SESTD1: variants seen among roughly 807,000 people sequenced by gnomAD.
SESTD1 encodes SEC14 domain and spectrin repeat-containing protein 1.
A neutral mutation model predicts 101.7 loss-of-function variants in SESTD1; 43 were observed. The ratio of observed to expected loss-of-function variants is 0.42; its 90% CI spans 0.33 to 0.55. SESTD1 has a LOEUF of 0.55. Among genes scored for constraint, SESTD1 ranks in the 20% least tolerant of loss-of-function variants. The probability of loss-of-function intolerance (pLI) is 0.07; values close to 1 mark genes in which losing one functional copy is unlikely to be tolerated. For synonymous variants in SESTD1, 283 were observed against 286.8 expected, an observed-to-expected ratio of 0.99 and a Z score of 0.13; for missense variants, 647 against 815.1, an observed-to-expected ratio of 0.79 and a Z score of 2.51.
At position 179,210,730 on chromosome 2, in the gene SESTD1, C is replaced by T. The variant is rs2046640135; in HGVS notation, c.-25-18864G>A. On this transcript the variant is annotated intron_variant, in intron 1 of 17. Coordinates refer to ENST00000428443, the MANE Select transcript of SESTD1 (RefSeq NM_178123.5). ...TGATAAACCCACAGCCAACATTATACTGAACAGGGAAAACTTGAAAGCATT... is the reference window on the plus strand; with the variant it reads ...TGATAAACCCACAGCCAACATTATATTGAACAGGGAAAACTTGAAAGCATT... Among the ~76,000 whole-genome samples, 5 of 134,728 alleles carry T rather than the reference C, an allele frequency of 3.7e-5. 2 individuals are homozygous for T. The highest frequency in any genetic ancestry group is 8.0e-5 in the Non-Finnish European group (5 of 62,704). The allele number at this position is 134,728 out of a possible 152,430, so 88.4% of individuals were successfully genotyped here. A position where few individuals can be genotyped will look rare whatever the true frequency, so the allele number is the denominator to read the frequency against.
intron 16 of SESTD1, among the ~76,000 whole-genome samples, chr2:179,114,136 A>C (rs2044575264): frequency 6.6e-6 from 1 of 152,240 alleles, no homozygotes; most frequent in South Asian, 2.1e-4. Context: ...CAATCAGTAG[A>C]TAAACAAGTT....
chr2:179,147,457 G>A lies in SESTD1; in HGVS notation c.582-1000C>T, dbSNP rs138752948. On this transcript the variant is annotated intron_variant, in intron 7 of 17. Coordinates refer to ENST00000428443, the MANE Select transcript of SESTD1 (RefSeq NM_178123.5). ...ACTCACTACAACCTCCGCCTCCCAG[G>A]CTCAAGGGATTCTCCTGCCTCAGCC... 5.8e-3 allele frequency among the ~76,000 whole-genome samples: 882 copies of A among 151,936 alleles called. 15 individuals carry two copies. The highest frequency in any genetic ancestry group is 0.02 in the African/African-American group (835 of 41,430).
At chr2:179,243,944 G>GTA (rs750528520) in intron 1 of SESTD1, among the ~76,000 whole-genome samples, 8,925 of 139,076 alleles carry the variant, frequency 0.064, 367 homozygotes, top group African/African-American at 0.14. Flanking sequence ...ATATGTGTGT[G>GTA]TATATATATA....
At chr2:179,261,732 T>A (rs750954437) in intron 1 of SESTD1, among the ~76,000 whole-genome samples, 4 of 151,894 alleles carry the variant, frequency 2.6e-5, no homozygotes, top group African/African-American at 9.7e-5. Flanking sequence ...TCTAGCAATG[T>A]AGAAGGGTTA....
At chr2:179,187,159 C>T (rs2046244888) in intron 2 of SESTD1, among the ~76,000 whole-genome samples, 1 of 152,132 alleles carries the variant, frequency 6.6e-6, no homozygotes. Flanking sequence ...ACTACAAAAA[C>T]ACATTTAATT....
intron 2 of SESTD1, among the ~76,000 whole-genome samples, chr2:179,188,219 A>G (rs1389688034): frequency 6.6e-6 from 1 of 152,218 alleles, no homozygotes; most frequent in African/African-American, 2.4e-5. Flanking sequence ...ACTTGAAATC[A>G]TACCAACCAT....
chr2:179,187,518 C>T (rs1017660684), intron 2 of SESTD1, among the ~76,000 whole-genome samples: 1 of 152,142 alleles, frequency 6.6e-6, no homozygotes, highest in African/African-American at 2.4e-5. Context: ...CCTGTGGTCC[C>T]AGCTAGTCGA....
intron 5 of SESTD1, among the ~76,000 whole-genome samples, chr2:179,155,366 G>A (rs951964558): frequency 6.6e-6 from 1 of 152,008 alleles, no homozygotes; most frequent in Non-Finnish European, 1.5e-5. Context: ...ATGAAACCAA[G>A]CAATATACAT....
chr2:179,155,194 G>C (rs2045605291), intron 5 of SESTD1, among the ~76,000 whole-genome samples: 1 of 152,038 alleles, frequency 6.6e-6, no homozygotes, highest in Non-Finnish European at 1.5e-5. Context: ...AGGATTACAG[G>C]TGTGAGCCAT....
Position 179,101,732 on chromosome 2 carries a change from G to T in SESTD1, c.*8167C>A, listed in dbSNP as rs2044280326. 1 of 152,140 alleles carries T rather than the reference G, an allele frequency of 6.6e-6. No homozygotes were observed. The highest frequency in any genetic ancestry group is 6.6e-5 in the Admixed American group (1 of 15,260). 9.4% of individuals were successfully genotyped at this position (152,140 alleles called of 1,614,324 possible). Reference sequence around the variant, plus strand: ...AATTTTATTTTGAACAAACACAATGGTAAGATCACTTCAATGGTTTGAAAC... The same window carrying T: ...AATTTTATTTTGAACAAACACAATGTTAAGATCACTTCAATGGTTTGAAAC... On this transcript the variant is annotated 3_prime_UTR_variant, in exon 18 of 18. Coordinates refer to ENST00000428443, the MANE Select transcript of SESTD1 (RefSeq NM_178123.5).
Position 179,231,769 on chromosome 2 carries a change from C to T in SESTD1, c.-26+32730G>A, listed in dbSNP as rs377167420. Among the ~76,000 whole-genome samples, 3 of 146,932 alleles carry T rather than the reference C, an allele frequency of 2.0e-5. No homozygotes were observed. In the South Asian group the frequency reaches 6.4e-4, roughly 31 times the overall value. ...TTAAAAAAAAAGGGATAAGCAAAGG[C>T]ATACAAAGCAAATAGAAACAGTAAG... On this transcript the variant is annotated intron_variant, in intron 1 of 17. Coordinates refer to ENST00000428443, the MANE Select transcript of SESTD1 (RefSeq NM_178123.5).
At chr2:179,169,048 A>C (rs879818519) in intron 5 of SESTD1, among the ~76,000 whole-genome samples, 1 of 152,184 alleles carries the variant, frequency 6.6e-6, no homozygotes, top group African/African-American at 2.4e-5. Context: ...CTTAGTCCAA[A>C]GGCAAAAAAG....
chr2:179,169,550 C>T (rs749282660), intron 5 of SESTD1, among the ~76,000 whole-genome samples: 6 of 152,082 alleles, frequency 3.9e-5, no homozygotes, highest in Non-Finnish European at 8.8e-5. Context: ...ACAACATTAC[C>T]ATGGATAGAG....
intron 4 of SESTD1, among the ~76,000 whole-genome samples, chr2:179,172,488 C>G (rs376406059): frequency 6.6e-6 from 1 of 152,148 alleles, no homozygotes; most frequent in Non-Finnish European, 1.5e-5. Context: ...TTTTGTTTTA[C>G]TGAATCTCTG....
At position 179,264,671 on chromosome 2, in the gene SESTD1, G is replaced by C. The variant is rs2105567081; in HGVS notation, c.-198C>G. The C allele has an allele frequency of 6.6e-6, 1 of 151,390 alleles. No homozygotes were observed. The highest frequency in any genetic ancestry group is 1.8e-4 in the South Asian group (1 of 5,672). The allele number at this position is 151,390 out of a possible 1,614,324, so 9.4% of individuals were successfully genotyped here. A position where few individuals can be genotyped will look rare whatever the true frequency, so the allele number is the denominator to read the frequency against. ...GCGACGGCTGCGGCTCCAGTCACTC[G>C]CGGCAAATCGCGTCCCGGCCCCTCC... On this transcript the variant is annotated 5_prime_UTR_variant, in exon 1 of 18. Coordinates refer to ENST00000428443, the MANE Select transcript of SESTD1 (RefSeq NM_178123.5).
chr2:179,262,945 C>G (rs1156808231), intron 1 of SESTD1, among the ~76,000 whole-genome samples: 3 of 152,186 alleles, frequency 2.0e-5, no homozygotes, highest in African/African-American at 7.2e-5. Flanking sequence ...AGCTCCTAAT[C>G]TCTTACATCA....
chr2:179,150,672 T>C (rs561427906), intron 6 of SESTD1, among the ~76,000 whole-genome samples: 2 of 152,106 alleles, frequency 1.3e-5, no homozygotes, highest in South Asian at 4.2e-4. Context: ...ATACAAAAAT[T>C]AGCTGGGCGT....
rs2044291833 is a variant in SESTD1 at position 179,102,463 on chromosome 2, TTATTG to T, written c.*7431_*7435del. The stretch of plus-strand genomic sequence containing the variant: ...CAACTTTTATTAACAGAAATCAAAC[TTATTG>T]TCCAAAGTGACAATATATCAAAGAA... On this transcript the variant is annotated 3_prime_UTR_variant, in exon 18 of 18. Transcript: ENST00000428443. The T allele has an allele frequency of 6.6e-6, 1 of 152,154 alleles. No homozygotes were observed. The highest frequency in any genetic ancestry group is 6.6e-5 in the Admixed American group (1 of 15,258). 9.4% of individuals were successfully genotyped at this position (152,154 alleles called of 1,614,324 possible).
chr2:179,210,939 A>G (rs1559145180), intron 1 of SESTD1, among the ~76,000 whole-genome samples: 3 of 132,686 alleles, frequency 2.3e-5, no homozygotes. Context: ...ACACTAAAAA[A>G]CTCCTAGATC....
Sources: allele counts gnomAD v4.1 joint callset (sites outside exome capture counted in the v4.1 genomes callset), GRCh38; gene constraint gnomAD v4.1.1; transcripts MANE v1.5; gene names NCBI Gene and HGNC (gene_info 2026-07-23, HGNC 2026-07-21).